The following REPS2 variants were observed in gnomAD, a reference collection of about 807,000 sequenced individuals.
The protein encoded by REPS2 is ralBP1-associated Eps domain-containing protein 2.
Under a neutral mutation model 53.6 loss-of-function variants are expected in REPS2, and 23 were observed. That is an observed-to-expected ratio of 0.43 (90% CI 0.31 to 0.61). The LOEUF (loss-of-function observed/expected upper bound fraction) is 0.61. Among genes scored for constraint, REPS2 ranks in the 20% least tolerant of loss-of-function variants. REPS2 has a pLI of 0.11. For synonymous variants in REPS2, 238 were observed against 218.6 expected (o/e 1.09, Z -0.78); for missense variants, 446 against 534.9 (o/e 0.83, Z 1.64).
chrX:16,985,204 T>C lies in REPS2; in HGVS notation c.274-21017T>C, dbSNP rs112012899. ...CTGAAACAGTTTAACTATACTTTTGTTTATTACACTTGATTTTGAGCTTTT... is the reference window on the plus strand; with the variant it reads ...CTGAAACAGTTTAACTATACTTTTGCTTATTACACTTGATTTTGAGCTTTT... On this transcript the variant is annotated intron_variant, in intron 1 of 17. Transcript: ENST00000357277. 5.4e-3 allele frequency among the ~76,000 whole-genome samples: 603 copies of C among 112,083 alleles called. 5 individuals carry two copies. Among genetic ancestry groups the C allele is most frequent in the African/African-American group, 0.019 (580 of 30,842 alleles).
rs190528611 is a variant in REPS2 at position 16,951,882 on chromosome X, A to T, written c.273+4748A>T. Among the ~76,000 whole-genome samples, 558 of 111,986 alleles carry T rather than the reference A, an allele frequency of 5.0e-3. 5 individuals are homozygous for T. Among genetic ancestry groups the T allele is most frequent in the African/African-American group, 0.016 (506 of 30,836 alleles). On this transcript the variant is annotated intron_variant, in intron 1 of 17. Coordinates refer to ENST00000357277, the MANE Select transcript of REPS2 (RefSeq NM_004726.3). Reference sequence around the variant, plus strand: ...ATTAAAATTGGTTTTCATTAAAAAAATTTTTTTAACATATACACATCTTAT... The same window carrying T: ...ATTAAAATTGGTTTTCATTAAAAAATTTTTTTTAACATATACACATCTTAT...
At chrX:17,032,852 T>TA (rs976239162) in intron 5 of REPS2, among the ~76,000 whole-genome samples, 1 of 112,328 alleles carries the variant, frequency 8.9e-6, no homozygotes, top group African/African-American at 3.2e-5. Flanking sequence ...TCTTTTTGCT[T>TA]ACTATTTTAG....
chrX:16,979,090 C>T (rs1310657889), intron 1 of REPS2, among the ~76,000 whole-genome samples: 1 of 111,833 alleles, frequency 8.9e-6, no homozygotes, highest in African/African-American at 3.2e-5. Flanking sequence ...AGACAAAATG[C>T]TAAAGTTAAC....
At chrX:17,195,604 A>G in the REPS2 span, among the ~76,000 whole-genome samples, 2 of 112,390 alleles carry the variant, frequency 1.8e-5, no homozygotes, top group African/African-American at 6.5e-5. Flanking sequence ...TTGTAAGGGT[A>G]TGTACACATT....
At chrX:17,177,736 G>A in the REPS2 span, among the ~76,000 whole-genome samples, 3 of 112,180 alleles carry the variant, frequency 2.7e-5, no homozygotes, top group Non-Finnish European at 3.8e-5. Context: ...TTCAGTTTTC[G>A]CTTGCTGCCT....
At chrX:17,042,257 G>T (rs764357431) in intron 5 of REPS2, among the ~76,000 whole-genome samples, 2 of 111,863 alleles carry the variant, frequency 1.8e-5, no homozygotes, top group South Asian at 3.7e-4. Context: ...TGGAGTTGAT[G>T]GGGGGAGGCC....
the REPS2 span, among the ~76,000 whole-genome samples, chrX:17,164,150 T>C: frequency 8.9e-6 from 1 of 112,025 alleles, no homozygotes; most frequent in Non-Finnish European, 1.9e-5. Context: ...AAATTTTATA[T>C]GTTAAAATGT....
chrX:17,016,932 C>T (rs1382891508), intron 2 of REPS2, among the ~76,000 whole-genome samples: 1 of 110,644 alleles, frequency 9.0e-6, no homozygotes, highest in Non-Finnish European at 1.9e-5. Context: ...AATGGGCCCA[C>T]ACTGGAAACA....
intron 5 of REPS2, among the ~76,000 whole-genome samples, chrX:17,045,805 G>A (rs1395330591): frequency 9.1e-6 from 1 of 110,298 alleles, no homozygotes; most frequent in Non-Finnish European, 1.9e-5. Context: ...TTAACCCAAG[G>A]TGTGAGATAT....
At chrX:17,136,154 G>A (rs1386412325) in intron 16 of REPS2, 1 of 112,127 alleles carries the variant, frequency 8.9e-6, no homozygotes, top group Non-Finnish European at 1.9e-5. Flanking sequence ...TAACATAAAT[G>A]CTCAAGACCC....
chrX:17,022,187 T>G lies in REPS2; in HGVS notation c.462T>G (p.Ala154=). The G allele has an allele frequency of 8.3e-7, 1 of 1,208,180 alleles. No individual in the cohort carries two copies. The highest frequency in any genetic ancestry group is 1.1e-6 in the Non-Finnish European group (1 of 892,057). Residue 154 remains alanine (A), a synonymous_variant, in exon 3 of 18, where the codon GCT becomes GCG. Coordinates refer to ENST00000357277, the MANE Select transcript of REPS2 (RefSeq NM_004726.3). The stretch of plus-strand genomic sequence containing the variant: ...GTGAGATACGATTTGGGAACCCAGC[T>G]GAGCTGCATGGAACTAAGGTTCAGA... ...NDGEIRFGNP[A]ELHGTKVQIP... is the part of the protein sequence containing the mutation.
chrX:17,126,212 AG>A (rs1452576399), intron 14 of REPS2, among the ~76,000 whole-genome samples: 2 of 111,474 alleles, frequency 1.8e-5, no homozygotes, highest in African/African-American at 6.5e-5. Context: ...CGCAGGGAGA[AG>A]GGACCCCCTT....
chrX:17,172,719 C>T, the REPS2 span, among the ~76,000 whole-genome samples: 1 of 111,432 alleles, frequency 9.0e-6, no homozygotes, highest in Non-Finnish European at 1.9e-5. Flanking sequence ...TGTTTAATTA[C>T]ACTAGGCAGT....
At chrX:17,138,654 C>G (rs766209707) in intron 16 of REPS2, 1 of 292,186 alleles carries the variant, frequency 3.4e-6, no homozygotes, top group Non-Finnish European at 6.0e-6. Context: ...GGAATTACTT[C>G]AGGTGTAAAT....
chrX:17,060,862 A>G (rs113204745), intron 8 of REPS2, among the ~76,000 whole-genome samples: 2,851 of 111,298 alleles, frequency 0.026, 98 homozygotes, highest in African/African-American at 0.09. Context: ...TGAAATGATC[A>G]TGCAGGTTAC....
chrX:16,975,099 C>T (rs1373073393), intron 1 of REPS2, among the ~76,000 whole-genome samples: 2 of 111,983 alleles, frequency 1.8e-5, no homozygotes, highest in Non-Finnish European at 3.8e-5. Flanking sequence ...ACCACATTTT[C>T]TTTATCCAGT....
At chrX:17,029,687 T>C in intron 5 of REPS2, 64 bp downstream of exon 5, 1 of 787,633 alleles carries the variant, frequency 1.3e-6, no homozygotes, top group Non-Finnish European at 1.9e-6. Flanking sequence ...TTCGGGGACA[T>C]GGCTTTTTGA....
the REPS2 span, among the ~76,000 whole-genome samples, chrX:17,167,312 C>T: frequency 8.9e-6 from 1 of 111,795 alleles, no homozygotes; most frequent in Non-Finnish European, 1.9e-5. Flanking sequence ...TTCTATAAAG[C>T]ATGCATATTA....
intron 8 of REPS2, among the ~76,000 whole-genome samples, chrX:17,056,686 C>A: frequency 1.8e-5 from 1 of 57,045 alleles, no homozygotes. Context: ...AAGAGTGAGA[C>A]TCTGTCTAAA....
Sources: gnomAD v4.1 joint callset for allele counts (sites outside exome capture counted in the v4.1 genomes callset) on GRCh38, gnomAD v4.1.1 for gene constraint, MANE v1.5 for transcripts, NCBI Gene and HGNC (gene_info 2026-07-23, HGNC 2026-07-21) for gene names.